The following SETBP1 variants were observed in gnomAD, a reference collection of about 807,000 sequenced individuals.
The protein encoded by SETBP1 is SET-binding protein.
SETBP1 carries 9 observed loss-of-function variants against 101.0 expected under a neutral mutation model. The ratio of observed to expected loss-of-function variants is 0.09; its 90% CI spans 0.05 to 0.16. The LOEUF is 0.16. SETBP1 is among the 10% of genes least tolerant of loss of function. The probability of loss-of-function intolerance (pLI) is 1.00; values close to 1 mark genes in which losing one functional copy is unlikely to be tolerated. For synonymous variants in SETBP1, 818 were observed against 788.5 expected (o/e 1.04, Z -0.63); for missense variants, 1,858 against 2,033.8 (o/e 0.91, Z 1.66).
rs185167168 is a variant in SETBP1 at position 44,771,736 on chromosome 18, T to C, written c.486+69904T>C. ...GTTGTGCCCTGAATTCTCATCAGCATGCAGCCCTTTCCACTCTTATCAAAA... is the reference window on the plus strand; with the variant it reads ...GTTGTGCCCTGAATTCTCATCAGCACGCAGCCCTTTCCACTCTTATCAAAA... On this transcript the variant is annotated intron_variant, in intron 2 of 5. Coordinates refer to ENST00000649279, the MANE Select transcript of SETBP1 (RefSeq NM_015559.3). 2.0e-5 allele frequency among the ~76,000 whole-genome samples: 3 copies of C among 152,220 alleles called. No homozygotes were observed. In the East Asian group the frequency reaches 5.8e-4, roughly 30 times the overall value.
chr18:45,027,067 T>C (rs1168204265), intron 4 of SETBP1, among the ~76,000 whole-genome samples: 1 of 152,214 alleles, frequency 6.6e-6, no homozygotes, highest in Non-Finnish European at 1.5e-5. Context: ...AATGATGTCA[T>C]TGGACACTTC....
rs111324550 is a variant in SETBP1, at chr18:44,701,571, G to A, written c.225G>A (p.Ala75=). 15 of 1,614,182 alleles carry A rather than the reference G, an allele frequency of 9.3e-6. No individual in the cohort carries two copies. The African/African-American group carries it at 1.1e-4, about 11-fold the overall frequency. ...SGRDVDSNSN[A]DSEKWVAGDG... ...GGGATGTGGATTCCAACTCCAACGC[G>A]GACAGTGAGAAATGGGTGGCAGGAG... Residue 75 remains alanine (A), a synonymous_variant, in exon 2 of 6, where the codon GCG becomes GCA. Coordinates refer to ENST00000649279, the MANE Select transcript of SETBP1 (RefSeq NM_015559.3).
chr18:45,036,393 G>T (rs972580896), intron 4 of SETBP1, among the ~76,000 whole-genome samples: 2 of 151,632 alleles, frequency 1.3e-5, no homozygotes, highest in African/African-American at 4.8e-5. Flanking sequence ...CAGTCTCTGA[G>T]CTCTCCTTCC....
At chr18:44,923,137 T>A (rs1294881474) in intron 3 of SETBP1, among the ~76,000 whole-genome samples, 1 of 152,202 alleles carries the variant, frequency 6.6e-6, no homozygotes. Context: ...AGGGATCACC[T>A]CATCTGACCA....
rs572875792 is a variant in SETBP1 at position 44,860,634 on chromosome 18, C to A, written c.487-8596C>A. On this transcript the variant is annotated intron_variant, in intron 2 of 5. Transcript: ENST00000649279. ...TGTTGGCGCGTGCCTGTAATCCCAGCTACTTGGGAGGCTGAGACATGAGAA... is the reference window on the plus strand; with the variant it reads ...TGTTGGCGCGTGCCTGTAATCCCAGATACTTGGGAGGCTGAGACATGAGAA... Among the ~76,000 whole-genome samples the A allele has an allele frequency of 8.0e-4, 122 of 152,162 alleles. 1 individual carries two copies. In the Middle Eastern group the frequency reaches 0.01, roughly 13 times the overall value.
intron 2 of SETBP1, among the ~76,000 whole-genome samples, chr18:44,777,469 C>T (rs1735826873): frequency 6.6e-6 from 1 of 152,120 alleles, no homozygotes; most frequent in African/African-American, 2.4e-5. Flanking sequence ...ATGCATGCTC[C>T]TGTGTGGACC....
chr18:44,693,344 C>G (rs2068965060), intron 1 of SETBP1, among the ~76,000 whole-genome samples: 1 of 152,120 alleles, frequency 6.6e-6, no homozygotes, highest in South Asian at 2.1e-4. Context: ...AAGGGCTTAT[C>G]ATCTAGTGGA....
At chr18:44,845,166 C>T (rs1401325743) in intron 2 of SETBP1, among the ~76,000 whole-genome samples, 3 of 152,086 alleles carry the variant, frequency 2.0e-5, no homozygotes, top group Non-Finnish European at 4.4e-5. Context: ...AACTCAGAGC[C>T]GAAGAGGTTT....
At chr18:44,809,879 G>T (rs2071824467) in intron 2 of SETBP1, among the ~76,000 whole-genome samples, 1 of 152,058 alleles carries the variant, frequency 6.6e-6, no homozygotes, top group South Asian at 2.1e-4. Flanking sequence ...TTTTAGGAAA[G>T]AATCTAATGC....
intron 3 of SETBP1, among the ~76,000 whole-genome samples, chr18:44,901,865 A>G (rs182527564): frequency 2.6e-5 from 4 of 152,320 alleles, no homozygotes; most frequent in South Asian, 2.1e-4. Flanking sequence ...AAGAATCACT[A>G]CTTTTTATTA....
chr18:44,823,941 T>C (rs1009975697), intron 2 of SETBP1, among the ~76,000 whole-genome samples: 3 of 152,202 alleles, frequency 2.0e-5, no homozygotes, highest in Admixed American at 2.0e-4. Flanking sequence ...CCTTCATGTA[T>C]GAGCACTTTG....
chr18:44,920,596 G>C (rs905789241), intron 3 of SETBP1, among the ~76,000 whole-genome samples: 6 of 152,072 alleles, frequency 3.9e-5, no homozygotes, highest in African/African-American at 1.2e-4. Context: ...AAAAACAAGA[G>C]CCCAGTGGTT....
At chr18:44,818,713 T>C (rs1321068379) in intron 2 of SETBP1, among the ~76,000 whole-genome samples, 1 of 151,024 alleles carries the variant, frequency 6.6e-6, no homozygotes, top group African/African-American at 2.4e-5. Context: ...TAAAAACAAT[T>C]TGAGATTTCT....
intron 4 of SETBP1, among the ~76,000 whole-genome samples, chr18:44,990,676 C>A (rs542141863): frequency 6.6e-6 from 1 of 150,576 alleles, no homozygotes; most frequent in African/African-American, 2.4e-5. Flanking sequence ...CCCACACACA[C>A]GTTGGCTCTA....
intron 2 of SETBP1, among the ~76,000 whole-genome samples, chr18:44,832,335 G>A (rs1432885645): frequency 6.6e-6 from 1 of 152,148 alleles, no homozygotes; most frequent in Non-Finnish European, 1.5e-5. Flanking sequence ...CAGGCCCGGG[G>A]CTACCCCTAG....
At chr18:44,937,073 A>G (rs1326064271) in intron 3 of SETBP1, among the ~76,000 whole-genome samples, 1 of 152,192 alleles carries the variant, frequency 6.6e-6, no homozygotes, top group Non-Finnish European at 1.5e-5. Context: ...AAATAGCTAT[A>G]TTTATATAAT....
At chr18:44,923,646 C>T (rs1357175545) in intron 3 of SETBP1, among the ~76,000 whole-genome samples, 1 of 152,186 alleles carries the variant, frequency 6.6e-6, no homozygotes, top group Non-Finnish European at 1.5e-5. Context: ...GCAGTTAATA[C>T]ACCACTGAGC....
At chr18:44,812,106 C>A (rs1335520467) in intron 2 of SETBP1, among the ~76,000 whole-genome samples, 1 of 152,040 alleles carries the variant, frequency 6.6e-6, no homozygotes, top group Non-Finnish European at 1.5e-5. Flanking sequence ...TGGTATGGGG[C>A]TCTCATGAGG....
Position 44,952,672 on chromosome 18 carries a change from C to A in SETBP1, c.3332C>A (p.Ala1111Asp), listed in dbSNP as rs776403982. ...ATGTCCGGTGCAGCTAAGCATAAAG[C>A]CAAGCATGGAGTACACCTGCAGGGA... ...VKMSGAAKHK[A>D]KHGVHLQGPV... The change falls in exon 4 of 6, where the codon GCC becomes GAC. Residue 1111 changes from alanine (A) to aspartate (D), a missense_variant. Physicochemically the swap from Ala to Asp is moderately radical, Grantham distance 126. Around this residue, in one of 12 missense-constraint regions of SETBP1, gnomAD observed 255 missense variants for 300.1 expected, o/e 0.85. Transcript: ENST00000649279. 2.8e-5 allele frequency: 45 copies of A among 1,613,990 alleles called. No individual in the cohort carries two copies. Among genetic ancestry groups the A allele is most frequent in the Non-Finnish European group, 3.6e-5 (43 of 1,180,034 alleles).
Sources: allele counts gnomAD v4.1 joint callset (sites outside exome capture counted in the v4.1 genomes callset), GRCh38; gene constraint gnomAD v4.1.1; regional missense constraint gnomAD v4.1.1; transcripts MANE v1.5; gene names NCBI Gene and HGNC (gene_info 2026-07-23, HGNC 2026-07-21).